Variants in MACROD2 observed in about 807,000 individuals in gnomAD.
MACROD2 encodes the protein ADP-ribose glycohydrolase MACROD2.
A neutral mutation model predicts 70.4 loss-of-function variants in MACROD2; 36 were observed. That is an observed-to-expected ratio of 0.51 (90% confidence interval 0.39 to 0.68). The LOEUF (loss-of-function observed/expected upper bound fraction) is 0.68. MACROD2 is among the 30% of genes least tolerant of loss of function. The pLI, the probability that MACROD2 is intolerant of heterozygous loss-of-function variation, is 0.00. For missense variants in MACROD2, 496 were observed against 538.4 expected (o/e 0.92, Z 0.78); for synonymous variants, 172 against 178.8 (o/e 0.96, Z 0.30).
Position 15,840,957 on chromosome 20 carries a change from G to C in MACROD2, c.646-21788G>C, listed in dbSNP as rs193116269. 1.1e-4 allele frequency among the ~76,000 whole-genome samples: 16 copies of C among 152,224 alleles called. No individual in the cohort carries two copies. In the East Asian group the frequency reaches 2.5e-3, roughly 24 times the overall value. ...TTTTCAACAAGAAAACCTTCTGAAG[G>C]CTGTTGAAATTTTAATCTTTTAAAA... is the stretch of plus-strand genomic sequence containing the variant. On this transcript the variant is annotated intron_variant, in intron 8 of 17. Coordinates refer to ENST00000684519, the MANE Select transcript of MACROD2 (RefSeq NM_001351661.2).
chr20:14,851,752 G>C (rs934003109), intron 5 of MACROD2, among the ~76,000 whole-genome samples: 1 of 152,122 alleles, frequency 6.6e-6, no homozygotes, highest in Non-Finnish European at 1.5e-5. Context: ...TTCATACAAA[G>C]TCTTGTTTGC....
chr20:15,672,669 C>G (rs1359522960), intron 8 of MACROD2, among the ~76,000 whole-genome samples: 1 of 152,084 alleles, frequency 6.6e-6, no homozygotes, highest in East Asian at 1.9e-4. Context: ...CAAGCCAAAG[C>G]CAGTGACATG....
chr20:14,705,875 T>A (rs2071262977), intron 5 of MACROD2, among the ~76,000 whole-genome samples: 1 of 152,174 alleles, frequency 6.6e-6, no homozygotes, highest in South Asian at 2.1e-4. Flanking sequence ...GGAGTCTAGA[T>A]TTTCTTTCCT....
At chr20:14,554,572 C>T (rs570275388) in intron 4 of MACROD2, 1 of 152,198 alleles carries the variant, frequency 6.6e-6, no homozygotes, top group Admixed American at 6.6e-5. Context: ...GTTTGGTCTT[C>T]AGGAACTCCA....
Position 16,052,157 on chromosome 20 carries a change from T to C in MACROD2, c.*2281T>C, listed in dbSNP as rs2147636748. On this transcript the variant is annotated 3_prime_UTR_variant, in exon 18 of 18. Coordinates refer to ENST00000684519, the MANE Select transcript of MACROD2 (RefSeq NM_001351661.2). ...TTCTTCCATCTATAATTAGATTGTG[T>C]TTTCATTTTTGCTTTGTCATGCTTT... 6.6e-6 allele frequency: 1 copy of C among 152,336 alleles called. No homozygotes were observed. Among genetic ancestry groups the C allele is most frequent in the African/African-American group, 2.4e-5 (1 of 41,578 alleles). 9.4% of individuals were successfully genotyped at this position (152,336 alleles called of 1,614,324 possible).
chr20:15,709,625 C>T (rs1045317958), intron 8 of MACROD2, among the ~76,000 whole-genome samples: 1 of 152,142 alleles, frequency 6.6e-6, no homozygotes, highest in African/African-American at 2.4e-5. Context: ...TATAATTGCA[C>T]CACTGCACTC....
At chr20:14,203,792 C>A (rs1369673636) in intron 3 of MACROD2, among the ~76,000 whole-genome samples, 1 of 152,156 alleles carries the variant, frequency 6.6e-6, no homozygotes, top group Non-Finnish European at 1.5e-5. Flanking sequence ...CATGCCAGTC[C>A]TCAAGCCCTT....
chr20:15,850,777 TTCCCAA>T (rs1487399443), intron 8 of MACROD2, among the ~76,000 whole-genome samples: 1 of 152,170 alleles, frequency 6.6e-6, no homozygotes, highest in East Asian at 1.9e-4. Flanking sequence ...AGAGACACGT[TTCCCAA>T]TGGTCAGTGT....
intron 2 of MACROD2, among the ~76,000 whole-genome samples, chr20:14,054,446 C>T (rs144024114): frequency 8.9e-4 from 136 of 151,998 alleles, no homozygotes; most frequent in Middle Eastern, 3.4e-3. Flanking sequence ...GTAGCTAGCA[C>T]ACAGTTATGA....
intron 7 of MACROD2, among the ~76,000 whole-genome samples, chr20:15,490,155 CT>C (rs2047210271): frequency 6.6e-6 from 1 of 150,904 alleles, no homozygotes; most frequent in African/African-American, 2.4e-5. Flanking sequence ...TCCTTCCTTC[CT>C]TCCTTCCTTC....
At position 15,877,996 on chromosome 20, in the gene MACROD2, CTCATAAGGGTAACATTCCCCT is replaced by C. The variant is rs566032484; in HGVS notation, c.728-7761_728-7741del. Among the ~76,000 whole-genome samples, 77 of 152,130 alleles carry C rather than the reference CTCATAAGGGTAACATTCCCCT, an allele frequency of 5.1e-4. 1 individual carries two copies. The highest frequency in any genetic ancestry group is 1.8e-3 in the African/African-American group (75 of 41,510). On this transcript the variant is annotated intron_variant, in intron 9 of 17. Transcript: ENST00000684519. ...GGGAGTGGAGAGGATGCCGTAATAG[CTCATAAGGGTAACATTCCCCT>C]TCATAACACCCTCCTTTTCTCATGC... is the stretch of plus-strand genomic sequence containing the variant.
chr20:15,413,939 T>G (rs1459851081), intron 6 of MACROD2, among the ~76,000 whole-genome samples: 1 of 152,216 alleles, frequency 6.6e-6, no homozygotes, highest in East Asian at 1.9e-4. Flanking sequence ...ATGCCCATGC[T>G]ATTATATATG....
chr20:15,114,973 G>T (rs970169726), intron 5 of MACROD2, among the ~76,000 whole-genome samples: 1 of 152,146 alleles, frequency 6.6e-6, no homozygotes, highest in East Asian at 1.9e-4. Context: ...GATCCCAGCA[G>T]TGTTGCCCTG....
At chr20:14,476,496 C>T (rs544692145) in intron 3 of MACROD2, among the ~76,000 whole-genome samples, 1 of 152,304 alleles carries the variant, frequency 6.6e-6, no homozygotes, top group Admixed American at 6.5e-5. Context: ...GCTGGGATTA[C>T]AAGTATGCAC....
chr20:15,911,878 T>C (rs1005926958), intron 10 of MACROD2, among the ~76,000 whole-genome samples: 1 of 152,212 alleles, frequency 6.6e-6, no homozygotes, highest in South Asian at 2.1e-4. Context: ...TGTTGGCATG[T>C]GCGTGTAATC....
chr20:15,453,454 C>G (rs1457824732), intron 7 of MACROD2, among the ~76,000 whole-genome samples: 4 of 152,078 alleles, frequency 2.6e-5, no homozygotes, highest in African/African-American at 9.7e-5. Context: ...CATCATGATC[C>G]AGTTCAGGTT....
At chr20:15,402,074 G>A (rs1043345434) in intron 6 of MACROD2, among the ~76,000 whole-genome samples, 1 of 152,142 alleles carries the variant, frequency 6.6e-6, no homozygotes, top group African/African-American at 2.4e-5. Flanking sequence ...CTCCTTGGCG[G>A]CATTTTCCAG....
chr20:15,716,213 A>G (rs2146926096), intron 8 of MACROD2, among the ~76,000 whole-genome samples: 1 of 152,266 alleles, frequency 6.6e-6, no homozygotes, highest in South Asian at 2.1e-4. Flanking sequence ...ATGCTTTCTG[A>G]TCAGTTGATT....
At chr20:15,316,012 A>C (rs529898478) in intron 6 of MACROD2, among the ~76,000 whole-genome samples, 2 of 152,152 alleles carry the variant, frequency 1.3e-5, no homozygotes, top group African/African-American at 4.8e-5. Flanking sequence ...TAAATTTAGG[A>C]TGCTAATTAT....
Sources: allele counts gnomAD v4.1 joint callset (sites outside exome capture counted in the v4.1 genomes callset), GRCh38; gene constraint gnomAD v4.1.1; transcripts MANE v1.5; gene names NCBI Gene and HGNC (gene_info 2026-07-23, HGNC 2026-07-21).